The following TBC1D2 variants were observed in gnomAD, a reference collection of about 807,000 sequenced individuals.
TBC1D2 encodes the protein TBC1 domain family member 2A.
In TBC1D2, 58 loss-of-function variants were observed where a neutral mutation model predicts 91.1. The ratio of observed to expected loss-of-function variants is 0.64; its 90% CI spans 0.52 to 0.79. TBC1D2 has a LOEUF of 0.79. TBC1D2 is among the 30% of genes least tolerant of loss of function. The pLI, the probability that TBC1D2 is intolerant of heterozygous loss-of-function variation, is 0.00. For synonymous variants in TBC1D2, 482 were observed against 511.5 expected (o/e 0.94, Z 0.78); for missense variants, 1,080 against 1,208.3 (o/e 0.89, Z 1.57).
At chr9:98,248,866 G>T (rs1173930743) in intron 2 of TBC1D2, among the ~76,000 whole-genome samples, 1 of 152,164 alleles carries the variant, frequency 6.6e-6, no homozygotes, top group Non-Finnish European at 1.5e-5. Context: ...TCTTGGCTCT[G>T]CGGAGACCGT....
At chr9:98,237,780 A>G (rs1829543384) in intron 3 of TBC1D2, among the ~76,000 whole-genome samples, 1 of 151,976 alleles carries the variant, frequency 6.6e-6, no homozygotes, top group Non-Finnish European at 1.5e-5. Context: ...TTTTAGGTTT[A>G]ACTTGTTAAT....
At chr9:98,223,665 T>G (rs1183758186) in intron 5 of TBC1D2, among the ~76,000 whole-genome samples, 1 of 152,206 alleles carries the variant, frequency 6.6e-6, no homozygotes, top group Admixed American at 6.5e-5. Flanking sequence ...GAAGCTTATT[T>G]CATTACATCT....
intron 6 of TBC1D2, 35 bp downstream of exon 6, chr9:98,220,798 G>A (rs148599243): frequency 0.023 from 37,016 of 1,604,590 alleles, 576 homozygotes; most frequent in Middle Eastern, 0.097. Context: ...ACAGAGGACC[G>A]GCAGGACTGG....
intron 4 of TBC1D2, among the ~76,000 whole-genome samples, chr9:98,232,334 C>CTGTTTTTTTTT (rs1564251650): frequency 4.8e-5 from 3 of 62,918 alleles, no homozygotes; most frequent in African/African-American, 4.0e-4. Context: ...TCTTCTTTCT[C>CTGTTTTTTTTT]TTTTTCTGTT....
chr9:98,245,153 T>C (rs1166308889), intron 2 of TBC1D2, among the ~76,000 whole-genome samples: 1 of 152,098 alleles, frequency 6.6e-6, no homozygotes, highest in East Asian at 1.9e-4. Context: ...GGCAGGAGAA[T>C]GGCCTCAACC....
chr9:98,246,372 A>C (rs1395113478), intron 2 of TBC1D2, among the ~76,000 whole-genome samples: 2 of 152,228 alleles, frequency 1.3e-5, no homozygotes, highest in Non-Finnish European at 2.9e-5. Flanking sequence ...GAAACTTAGC[A>C]GTAGTTCAAA....
chr9:98,199,292 C>T lies in TBC1D2; in HGVS notation c.*89G>A. The T allele has an allele frequency of 4.8e-6, 7 of 1,449,200 alleles. No individual in the cohort carries two copies. The highest frequency in any genetic ancestry group is 1.2e-5 in the South Asian group (1 of 82,246). The allele number at this position is 1,449,200 out of a possible 1,614,324, so 89.8% of individuals were successfully genotyped here. A position where few individuals can be genotyped will look rare whatever the true frequency, so the allele number is the denominator to read the frequency against. On this transcript the variant is annotated 3_prime_UTR_variant, in exon 13 of 13. Transcript: ENST00000465784. ...TCCAAGGTCACATGGTGATGGGACA[C>T]CCAGGGCTGGGCCACTGGTCCGTGC...
rs750718365 is a variant in TBC1D2 at position 98,208,726 on chromosome 9, C to G, written c.2092G>C (p.Val698Leu). Residue 698 changes from valine to leucine, a missense_variant, in exon 9 of 13, where the codon GTG (valine) becomes CTG (leucine). By Grantham distance (32) the Val-to-Leu change is conservative. Transcript: ENST00000465784. ...TSSFPDKLRR[V>L]LLAFSWQNPT... ...TTCTGCCAGGAGAAGGCCAGCAGCA[C>G]CCGGCGGAGCTTGTCGGGGAAGCTG... 3 of 1,554,096 alleles carry G rather than the reference C, an allele frequency of 1.9e-6. No individual in the cohort carries two copies. Among genetic ancestry groups the G allele is most frequent in the Middle Eastern group, 1.7e-4 (1 of 5,770 alleles).
In TBC1D2 at chr9:98,208,568, C is replaced by CA. The variant is rs59136023; in HGVS notation, c.2150+99_2150+100insT. 6,916 of 1,273,404 alleles carry CA rather than the reference C, an allele frequency of 5.4e-3. 300 individuals are homozygous for CA. In the African/African-American group the frequency reaches 0.092, roughly 17 times the overall value. The allele number at this position is 1,273,404 out of a possible 1,614,324, so 78.9% of individuals were successfully genotyped here. ...CTGCTCACCTCCTGCTGTGCGGCCC[C>CA]TTAACAGGCCACAGATGGCTGCCTG... On this transcript the variant is annotated intron_variant, in intron 9 of 12. Coordinates refer to ENST00000465784, the MANE Select transcript of TBC1D2 (RefSeq NM_001267571.2).
intron 10 of TBC1D2, among the ~76,000 whole-genome samples, chr9:98,202,651 T>C (rs552147615): frequency 1.3e-5 from 2 of 152,286 alleles, no homozygotes; most frequent in Non-Finnish European, 2.9e-5. Flanking sequence ...TCAGAAGAAA[T>C]AACACTGGCT....
intron 5 of TBC1D2, among the ~76,000 whole-genome samples, chr9:98,224,205 A>G (rs1829170790): frequency 7.4e-6 from 1 of 134,268 alleles, no homozygotes; most frequent in African/African-American, 3.1e-5. Context: ...TCAAAAAAAA[A>G]AAAAAGAAAA....
At chr9:98,210,134 A>G (rs940817047) in intron 8 of TBC1D2, among the ~76,000 whole-genome samples, 1 of 151,916 alleles carries the variant, frequency 6.6e-6, no homozygotes, top group African/African-American at 2.4e-5. Flanking sequence ...CTCTTTGCAC[A>G]TATCTTATGG....
intron 1 of TBC1D2, among the ~76,000 whole-genome samples, chr9:98,254,259 A>G (rs376744892): frequency 2.0e-5 from 3 of 152,250 alleles, no homozygotes; most frequent in South Asian, 2.1e-4. Flanking sequence ...TGTCTTTCCA[A>G]TTAAGTTATG....
At position 98,209,756 on chromosome 9, in the gene TBC1D2, T is replaced by TTTCCTTCCTTCCTTCCTTCCTTCCTTCC. The variant is rs3059560; in HGVS notation, c.1674-640_1674-613dup. Among the ~76,000 whole-genome samples, 197 of 105,568 alleles carry TTTCCTTCCTTCCTTCCTTCCTTCCTTCC rather than the reference T, an allele frequency of 1.9e-3. 1 individual carries two copies. Among genetic ancestry groups the TTTCCTTCCTTCCTTCCTTCCTTCCTTCC allele is most frequent in the African/African-American group, 6.4e-3 (155 of 24,058 alleles). The allele number at this position is 105,568 out of a possible 152,430, so 69.3% of individuals were successfully genotyped here. On this transcript the variant is annotated intron_variant, in intron 8 of 12. Coordinates refer to ENST00000465784, the MANE Select transcript of TBC1D2 (RefSeq NM_001267571.2). ...TTCCTTCTTTCCTTTCCTTCCTTCCTTTCCTTCCTTCCTTCCTTCCTTCCT... is the reference window on the plus strand; with the variant it reads ...TTCCTTCTTTCCTTTCCTTCCTTCCTTTCCTTCCTTCCTTCCTTCCTTCCTTCCTTCCTTCCTTCCTTCCTTCCTTCCT...
At chr9:98,245,580 A>C (rs1044214486) in intron 2 of TBC1D2, among the ~76,000 whole-genome samples, 5 of 152,168 alleles carry the variant, frequency 3.3e-5, no homozygotes, top group Admixed American at 2.0e-4. Flanking sequence ...AGAAAAAAAA[A>C]ATTGGGGTTA....
chr9:98,252,537 G>C (rs781359510), intron 1 of TBC1D2, among the ~76,000 whole-genome samples: 1 of 152,190 alleles, frequency 6.6e-6, no homozygotes, highest in Non-Finnish European at 1.5e-5. Flanking sequence ...CCCAGCACTG[G>C]CTGGCGGTTG....
At position 98,200,299 on chromosome 9, in the gene TBC1D2, T is replaced by C. The variant is rs1447585515; in HGVS notation, c.2533A>G (p.Ile845Val). Residue 845 changes from isoleucine to valine, a missense_variant, in exon 12 of 13, where the codon ATC (isoleucine) becomes GTC (valine). Transcript: ENST00000465784. ...GTGAAGAAGCGCAGGTACTGGTAGATTTCCAGGCCATTCTGTAGCCTCAAG... is the reference window on the plus strand; with the variant it reads ...GTGAAGAAGCGCAGGTACTGGTAGACTTCCAGGCCATTCTGTAGCCTCAAG... Reference protein sequence around the residue: ...EILRLQNGLEIYQYLRFFTKT... With the variant: ...EILRLQNGLEVYQYLRFFTKT... The C allele has an allele frequency of 1.2e-6, 2 of 1,613,644 alleles. No homozygotes were observed. The highest frequency in any genetic ancestry group is 3.3e-5 in the Admixed American group (2 of 59,988).
At position 98,229,082 on chromosome 9, in the gene TBC1D2, T is replaced by C; in HGVS notation, c.848A>G (p.Lys283Arg). Reference sequence around the variant, plus strand: ...GAAGGTGTTGTTCTGGCGCTTGGCTTTCTGAGCGAAACTGATGGTCAGAGA... The same window carrying C: ...GAAGGTGTTGTTCTGGCGCTTGGCTCTCTGAGCGAAACTGATGGTCAGAGA... Reference protein sequence around the residue: ...KPSLTISFAQKAKRQNNTFPF... With the variant: ...KPSLTISFAQRAKRQNNTFPF... Residue 283 changes from lysine (K) to arginine (R), a missense_variant, in exon 5 of 13, where the codon AAA (lysine) becomes AGA (arginine). Lys to Arg is a conservative substitution (Grantham distance 26). Coordinates refer to ENST00000465784, the MANE Select transcript of TBC1D2 (RefSeq NM_001267571.2). 1 of 1,614,228 alleles carries C rather than the reference T, an allele frequency of 6.2e-7. No homozygotes were observed. The highest frequency in any genetic ancestry group is 8.5e-7 in the Non-Finnish European group (1 of 1,180,024).
Position 98,210,553 on chromosome 9 carries a change from GCTGTGTAGGA to G in TBC1D2, c.1673+93_1673+102del, listed in dbSNP as rs1177655045. 6.2e-6 allele frequency: 7 copies of G among 1,120,602 alleles called. No individual in the cohort carries two copies. In the Admixed American group the frequency reaches 2.0e-4, roughly 32 times the overall value. The allele number at this position is 1,120,602 out of a possible 1,614,324, so 69.4% of individuals were successfully genotyped here. ...GCATGTGAAGATCAGAGGAGGTAGT[GCTGTGTAGGA>G]CTTGTACATGGTTGGCAGGACCTGG... On this transcript the variant is annotated intron_variant, in intron 8 of 12. Transcript: ENST00000465784.
Sources: gnomAD v4.1 joint callset for allele counts (sites outside exome capture counted in the v4.1 genomes callset) on GRCh38, gnomAD v4.1.1 for gene constraint, MANE v1.5 for transcripts, NCBI Gene and HGNC (gene_info 2026-07-23, HGNC 2026-07-21) for gene names.